The following PARD3 variants were observed in gnomAD, a reference collection of about 807,000 sequenced individuals.
PARD3 encodes the protein partitioning defective 3 homolog.
In PARD3, 75 loss-of-function variants were observed where a neutral mutation model predicts 155.4. That is an observed-to-expected ratio of 0.48 (90% CI 0.40 to 0.58). The LOEUF (loss-of-function observed/expected upper bound fraction) is 0.58, where lower values mean the gene tolerates loss of function less well. PARD3 is among the 20% of genes least tolerant of loss of function. The probability of loss-of-function intolerance (pLI) is 0.00; values close to 1 mark genes in which losing one functional copy is unlikely to be tolerated. For missense variants in PARD3, 1,642 were observed against 1,721.7 expected (o/e 0.95, Z 0.82); for synonymous variants, 576 against 610.5 (o/e 0.94, Z 0.83).
intron 22 of PARD3, among the ~76,000 whole-genome samples, chr10:34,227,499 A>G (rs1276771635): frequency 1.3e-5 from 2 of 152,108 alleles, no homozygotes; most frequent in Non-Finnish European, 2.9e-5. Flanking sequence ...TAAGCTGGAC[A>G]TGGTGGTACA....
At chr10:34,456,146 G>A (rs1175172470) in intron 4 of PARD3, among the ~76,000 whole-genome samples, 1 of 152,134 alleles carries the variant, frequency 6.6e-6, no homozygotes, top group Admixed American at 6.5e-5. Context: ...ACCACATCGG[G>A]ATCATTAGTG....
intron 22 of PARD3, among the ~76,000 whole-genome samples, chr10:34,247,359 G>A (rs1055161983): frequency 3.9e-5 from 6 of 151,994 alleles, no homozygotes; most frequent in East Asian, 1.9e-4. Flanking sequence ...AAAATTAGCC[G>A]GGCATGGTGG....
intron 14 of PARD3, among the ~76,000 whole-genome samples, chr10:34,356,606 T>C (rs1333078507): frequency 6.6e-6 from 1 of 152,222 alleles, no homozygotes; most frequent in Non-Finnish European, 1.5e-5. Flanking sequence ...ACTCAGCACA[T>C]TATTTTGGCT....
intron 17 of PARD3, 70 bp from the exon 18 acceptor site, chr10:34,336,313 CA>C: frequency 8.5e-7 from 1 of 1,174,608 alleles, no homozygotes; most frequent in Non-Finnish European, 1.3e-6. Flanking sequence ...CCACCATTCC[CA>C]GATCTTTTTA....
At chr10:34,299,852 T>A (rs1011724079) in intron 20 of PARD3, among the ~76,000 whole-genome samples, 3 of 152,208 alleles carry the variant, frequency 2.0e-5, no homozygotes, top group Non-Finnish European at 4.4e-5. Flanking sequence ...AATAGCTAAC[T>A]GGTTACATGG....
At chr10:34,314,152 C>T (rs1006650751) in intron 20 of PARD3, among the ~76,000 whole-genome samples, 1 of 150,672 alleles carries the variant, frequency 6.6e-6, no homozygotes. Context: ...AAGGAAGAGA[C>T]CAATTTTTAA....
intron 2 of PARD3, among the ~76,000 whole-genome samples, chr10:34,603,421 C>G (rs1291938227): frequency 6.6e-6 from 1 of 152,192 alleles, no homozygotes; most frequent in East Asian, 1.9e-4. Flanking sequence ...TGCCTAAATT[C>G]AATCTGCAAA....
At chr10:34,770,927 G>T (rs553367053) in intron 1 of PARD3, among the ~76,000 whole-genome samples, 1 of 152,100 alleles carries the variant, frequency 6.6e-6, no homozygotes, top group Non-Finnish European at 1.5e-5. Flanking sequence ...GACATCATTG[G>T]ATTTGGAAAG....
chr10:34,652,806 A>G (rs1181737766), intron 2 of PARD3, among the ~76,000 whole-genome samples: 1 of 152,242 alleles, frequency 6.6e-6, no homozygotes, highest in Non-Finnish European at 1.5e-5. Flanking sequence ...ATAACTAACC[A>G]CCATGTGAAT....
At chr10:34,460,191 A>T (rs767125817) in intron 4 of PARD3, among the ~76,000 whole-genome samples, 3 of 152,180 alleles carry the variant, frequency 2.0e-5, no homozygotes, top group Non-Finnish European at 4.4e-5. Flanking sequence ...TCTAAAAAGG[A>T]TATTAATATT....
intron 15 of PARD3, chr10:34,345,468 A>G (rs1837313588): frequency 4.1e-6 from 4 of 984,960 alleles, no homozygotes; most frequent in Non-Finnish European, 4.8e-6. Context: ...ATAGCAGATC[A>G]TGAAGTAAAT....
chr10:34,340,336 T>C (rs1836673877), intron 16 of PARD3, among the ~76,000 whole-genome samples: 1 of 152,238 alleles, frequency 6.6e-6, no homozygotes, highest in Non-Finnish European at 1.5e-5. Context: ...TTGCTTTCTC[T>C]GTTGTTGCTA....
At chr10:34,779,453 A>T (rs1236458781) in intron 1 of PARD3, among the ~76,000 whole-genome samples, 2 of 149,968 alleles carry the variant, frequency 1.3e-5, no homozygotes, top group Non-Finnish European at 1.5e-5. Context: ...CACTAAAAAT[A>T]AAAAAAAAAT....
chr10:34,154,014 T>C (rs1195777766), intron 22 of PARD3, among the ~76,000 whole-genome samples: 2 of 152,216 alleles, frequency 1.3e-5, no homozygotes, highest in African/African-American at 4.8e-5. Flanking sequence ...ATTGAAGTAA[T>C]TATTTAATGT....
chr10:34,326,407 G>A (rs1423423404), intron 19 of PARD3, among the ~76,000 whole-genome samples: 1 of 152,074 alleles, frequency 6.6e-6, no homozygotes, highest in African/African-American at 2.4e-5. Flanking sequence ...TTCAGAACAA[G>A]TATTTTTATA....
At chr10:34,623,851 C>T (rs570134812) in intron 2 of PARD3, among the ~76,000 whole-genome samples, 12 of 150,016 alleles carry the variant, frequency 8.0e-5, no homozygotes, top group African/African-American at 2.2e-4. Context: ...CATGGTGGCG[C>T]GCACCTGTAG....
At chr10:34,611,321 C>G (rs1349765065) in intron 2 of PARD3, among the ~76,000 whole-genome samples, 3 of 152,132 alleles carry the variant, frequency 2.0e-5, no homozygotes, top group African/African-American at 7.2e-5. Context: ...CAACTTTGTA[C>G]CTTTAGTATG....
At chr10:34,798,591 G>A (rs1268796655) in intron 1 of PARD3, among the ~76,000 whole-genome samples, 1 of 151,584 alleles carries the variant, frequency 6.6e-6, no homozygotes, top group Admixed American at 6.6e-5. Flanking sequence ...TGTAACCCGA[G>A]CCGCTCAGGA....
intron 2 of PARD3, among the ~76,000 whole-genome samples, chr10:34,563,493 A>G (rs1362930538): frequency 4.0e-5 from 6 of 151,068 alleles, no homozygotes; most frequent in Non-Finnish European, 5.9e-5. Context: ...CAGCCTCCCA[A>G]GTAGCTGTGA....
Sources: gnomAD v4.1 joint callset for allele counts (sites outside exome capture counted in the v4.1 genomes callset) on GRCh38, gnomAD v4.1.1 for gene constraint, MANE v1.5 for transcripts, NCBI Gene and HGNC (gene_info 2026-07-23, HGNC 2026-07-21) for gene names.